Variants in SLC30A3 observed in about 807,000 individuals in gnomAD.
The protein encoded by SLC30A3 is solute carrier family 30 member 3.
A neutral mutation model predicts 35.6 loss-of-function variants in SLC30A3; 20 were observed. That is an observed-to-expected ratio of 0.56 (90% CI 0.39 to 0.82). The LOEUF (loss-of-function observed/expected upper bound fraction) is 0.82. Among genes scored for constraint, SLC30A3 ranks in the 40% least tolerant of loss-of-function variants. The pLI is 0.00. For synonymous variants in SLC30A3, 217 were observed against 224.7 expected, an observed-to-expected ratio of 0.97 and a Z score of 0.31; for missense variants, 401 against 530.6, an observed-to-expected ratio of 0.76 and a Z score of 2.40.
rs767882022 is a variant in SLC30A3, at chr2:27,257,862, C to A, written c.578+43G>T. ...TCTCCCATCCTGGAGGAAGACCCCT[C>A]GCCCTGGGCCCCACAAGGTGCCTGC... On this transcript the variant is annotated intron_variant, in intron 4 of 7. Transcript: ENST00000233535. This position sits in a 1 kb window ranked among gnomAD's most constrained non-coding sequence, Gnocchi z 4.7. 2 of 1,575,130 alleles carry A rather than the reference C, an allele frequency of 1.3e-6. No homozygotes were observed. The highest frequency in any genetic ancestry group is 8.6e-7 in the Non-Finnish European group (1 of 1,156,690).
In SLC30A3 at chr2:27,257,293, T is replaced by G; in HGVS notation, c.638A>C (p.Glu213Ala). ...PPHSHGSRGA[E>A]YAPLEEGPEE... ...AGGCCCCTCCTCCAGCGGTGCATAC[T>G]CTGCTCCCCTAGACCCGTGGCTGTG... The change falls in exon 5 of 8, where the codon GAG becomes GCG. Residue 213 changes from glutamate (E) to alanine (A), a missense_variant. Coordinates refer to ENST00000233535, the MANE Select transcript of SLC30A3 (RefSeq NM_003459.5). This position sits in a 1 kb window ranked among gnomAD's most constrained non-coding sequence, Gnocchi z 4.7. The G allele has an allele frequency of 6.2e-7, 1 of 1,613,900 alleles. No homozygotes were observed. Among genetic ancestry groups the G allele is most frequent in the Non-Finnish European group, 8.5e-7 (1 of 1,179,906 alleles).
rs986050134 is a variant in SLC30A3 at position 27,262,618 on chromosome 2, G to A, written c.95+194C>T. Among the ~76,000 whole-genome samples, 2 of 152,194 alleles carry A rather than the reference G, an allele frequency of 1.3e-5. No individual in the cohort carries two copies. Among genetic ancestry groups the A allele is most frequent in the African/African-American group, 4.8e-5 (2 of 41,460 alleles). On this transcript the variant is annotated intron_variant, in intron 1 of 7. Coordinates refer to ENST00000233535, the MANE Select transcript of SLC30A3 (RefSeq NM_003459.5). This position sits in a 1 kb window ranked among gnomAD's most constrained non-coding sequence, Gnocchi z 7.5. Reference sequence around the variant, plus strand: ...CTTCACCCGAGGAAGTCAGGCGGCCGGGAGGAGGCGTAGCCGGCTGTGTAG... The same window carrying A: ...CTTCACCCGAGGAAGTCAGGCGGCCAGGAGGAGGCGTAGCCGGCTGTGTAG...
In SLC30A3 at chr2:27,257,546, C is replaced by T; in HGVS notation, c.579-194G>A. On this transcript the variant is annotated intron_variant, in intron 4 of 7. Coordinates refer to ENST00000233535, the MANE Select transcript of SLC30A3 (RefSeq NM_003459.5). The surrounding 1 kb of genome is among the most constrained non-coding windows in gnomAD (Gnocchi z 4.7). ...CCACACATGTGGATTCGGAAGCTGG[C>T]CCTGTTACTTAAATAGATATGTGAC... is the stretch of plus-strand genomic sequence containing the variant. 1 of 627,912 alleles carries T rather than the reference C, an allele frequency of 1.6e-6. No homozygotes were observed. Among genetic ancestry groups the T allele is most frequent in the Non-Finnish European group, 2.8e-6 (1 of 356,662 alleles). 38.9% of individuals were successfully genotyped at this position (627,912 alleles called of 1,614,324 possible). A position where few individuals can be genotyped will look rare whatever the true frequency, so the allele number is the denominator to read the frequency against.
Position 27,257,810 on chromosome 2 carries a change from G to T in SLC30A3, c.578+95C>A. On this transcript the variant is annotated intron_variant, in intron 4 of 7. Transcript: ENST00000233535. The surrounding 1 kb of genome is among the most constrained non-coding windows in gnomAD (Gnocchi z 4.7). ...TGGAGAGCTGTGTGTGCGTGTCTGT[G>T]TGTCTGGTGGGGAGGAGAGAGCCAG... 2 of 1,256,072 alleles carry T rather than the reference G, an allele frequency of 1.6e-6. No individual in the cohort carries two copies. The highest frequency in any genetic ancestry group is 1.1e-6 in the Non-Finnish European group (1 of 890,740). 77.8% of individuals were successfully genotyped at this position (1,256,072 alleles called of 1,614,324 possible). A position where few individuals can be genotyped will look rare whatever the true frequency, so the allele number is the denominator to read the frequency against.
In SLC30A3 at chr2:27,262,684, G is replaced by C; in HGVS notation, c.95+128C>G. ...GTGGCCAGAGGGGATGAAGCGGGGT[G>C]CAGCGGAGCGAGGGACCCGCGGTGC... On this transcript the variant is annotated intron_variant, in intron 1 of 7. Transcript: ENST00000233535. The surrounding 1 kb of genome is among the most constrained non-coding windows in gnomAD (Gnocchi z 7.5). 1.1e-6 allele frequency: 1 copy of C among 882,660 alleles called. No homozygotes were observed. The highest frequency in any genetic ancestry group is 1.6e-6 in the Non-Finnish European group (1 of 612,564). 54.7% of individuals were successfully genotyped at this position (882,660 alleles called of 1,614,324 possible).
chr2:27,260,664 C>T (rs185015082), intron 1 of SLC30A3, among the ~76,000 whole-genome samples: 16 of 152,252 alleles, frequency 1.1e-4, no homozygotes, highest in Non-Finnish European at 1.2e-4. Flanking sequence ...CAAAGTGGGG[C>T]GGGATGTCTG....
At chr2:27,268,519 C>T (rs6751640) in intron 1 of SLC30A3, among the ~76,000 whole-genome samples, 77 of 152,144 alleles carry the variant, frequency 5.1e-4, no homozygotes, top group African/African-American at 1.7e-3. Context: ...TTTGGGAGGC[C>T]GAGGTGGGCG....
Position 27,271,788 on chromosome 2 carries a change from C to G in SLC30A3, c.-159+3389G>C, listed in dbSNP as rs1300760887. ...GCCGACTGGGCCGTGCTACTCCCAC[C>G]TCTGCAGCTTCCTGGCTGAAGTGAC... On this transcript the variant is annotated intron_variant, in intron 1 of 5. Transcript: ENST00000424577. This position sits in a 1 kb window ranked among gnomAD's most constrained non-coding sequence, Gnocchi z 4.3. Among the ~76,000 whole-genome samples, 1 of 152,242 alleles carries G rather than the reference C, an allele frequency of 6.6e-6. No homozygotes were observed.
In SLC30A3 at chr2:27,271,245, A is replaced by G. The variant is rs1441740599; in HGVS notation, c.-159+3932T>C. 2.6e-5 allele frequency among the ~76,000 whole-genome samples: 4 copies of G among 152,164 alleles called. No homozygotes were observed. Among genetic ancestry groups the G allele is most frequent in the Admixed American group, 6.5e-5 (1 of 15,268 alleles). The stretch of plus-strand genomic sequence containing the variant: ...TGGTATTTTGGGTATAAATATGCCA[A>G]TGTCTGCTGTCTGTATGTGTGTGTA... On this transcript the variant is annotated intron_variant, in intron 1 of 5. Transcript: ENST00000424577. This position sits in a 1 kb window ranked among gnomAD's most constrained non-coding sequence, Gnocchi z 4.3.
chr2:27,260,479 A>G (rs775994556), intron 1 of SLC30A3, among the ~76,000 whole-genome samples: 2 of 152,190 alleles, frequency 1.3e-5, no homozygotes, highest in Non-Finnish European at 2.9e-5. Context: ...TGCTAAGTCC[A>G]TTCTGGTCCA....
intron 1 of SLC30A3, among the ~76,000 whole-genome samples, chr2:27,269,950 T>C (rs1323938538): frequency 6.6e-6 from 1 of 152,162 alleles, no homozygotes; most frequent in African/African-American, 2.4e-5. Context: ...ACAGCAAATG[T>C]ATCAGAGATG....
At position 27,253,803 on chromosome 2, in the gene SLC30A3, C is replaced by T. The variant is rs1259014900; in HGVS notation, c.*1509G>A. The stretch of plus-strand genomic sequence containing the variant: ...GCCTCAGCCTCCTGAATAGCTGGGA[C>T]TACAGGTATGCACCACCACACCCAG... On this transcript the variant is annotated 3_prime_UTR_variant, in exon 8 of 8. Coordinates refer to ENST00000233535, the MANE Select transcript of SLC30A3 (RefSeq NM_003459.5). 6.6e-6 allele frequency: 1 copy of T among 151,256 alleles called. No homozygotes were observed. The highest frequency in any genetic ancestry group is 1.5e-5 in the Non-Finnish European group (1 of 67,954). The allele number at this position is 151,256 out of a possible 1,614,324, so 9.4% of individuals were successfully genotyped here. A position where few individuals can be genotyped will look rare whatever the true frequency, so the allele number is the denominator to read the frequency against.
At chr2:27,274,733 G>C (rs532639422) in intron 1 of SLC30A3, among the ~76,000 whole-genome samples, 1 of 151,666 alleles carries the variant, frequency 6.6e-6, no homozygotes, top group Non-Finnish European at 1.5e-5. Flanking sequence ...CCACTTCTAA[G>C]AATGTATCCT....
Position 27,255,525 on chromosome 2 carries a change from A to G in SLC30A3, c.1019-65T>C. The G allele has an allele frequency of 3.8e-6, 6 of 1,564,724 alleles. No homozygotes were observed. Among genetic ancestry groups the G allele is most frequent in the Non-Finnish European group, 5.2e-6 (6 of 1,147,984 alleles). On this transcript the variant is annotated intron_variant, in intron 7 of 7. Transcript: ENST00000233535. This position sits in a 1 kb window ranked among gnomAD's most constrained non-coding sequence, Gnocchi z 5.2. ...AGAAAGAACAGGCAGGGACTGAGAT[A>G]AGGACAGGGAAAGGGGCTGCACAGC...
In SLC30A3 at chr2:27,258,175, C is replaced by G; in HGVS notation, c.410G>C (p.Gly137Ala). The change falls in exon 3 of 8, where the codon GGC (glycine) becomes GCC (alanine). Residue 137 changes from glycine to alanine, a missense_variant. Gly to Ala is a moderately conservative substitution (Grantham distance 60). This residue lies in a region of SLC30A3 where 296 missense variants were observed against 392.6 expected (regional missense o/e 0.75). Coordinates refer to ENST00000233535, the MANE Select transcript of SLC30A3 (RefSeq NM_003459.5). The surrounding 1 kb of genome is among the most constrained non-coding windows in gnomAD (Gnocchi z 4.0). Reference sequence around the variant, plus strand: ...AGGGGCCTTACCTGAACGGTGCCAGCCAAAGGTCATGGTGCGGGTGGCTGG... The same window carrying G: ...AGGGGCCTTACCTGAACGGTGCCAGGCAAAGGTCATGGTGCGGGTGGCTGG... Reference protein sequence around the residue: ...TRPATRTMTFGWHRSETLGAL... With the variant: ...TRPATRTMTFAWHRSETLGAL... 1 of 1,595,314 alleles carries G rather than the reference C, an allele frequency of 6.3e-7. No individual in the cohort carries two copies. Among genetic ancestry groups the G allele is most frequent in the Non-Finnish European group, 8.6e-7 (1 of 1,168,608 alleles).
rs1213574872 is a variant in SLC30A3, at chr2:27,254,748, AC to A, written c.*563del. The A allele has an allele frequency of 4.6e-6, 1 of 218,124 alleles. No individual in the cohort carries two copies. Among genetic ancestry groups the A allele is most frequent in the Admixed American group, 5.4e-5 (1 of 18,458 alleles). The allele number at this position is 218,124 out of a possible 1,614,324, so 13.5% of individuals were successfully genotyped here. A position where few individuals can be genotyped will look rare whatever the true frequency, so the allele number is the denominator to read the frequency against. On this transcript the variant is annotated 3_prime_UTR_variant, in exon 8 of 8. Transcript: ENST00000233535. ...ACATAGGCACAGAGACACACAGGCC[AC>A]AGCACCAAGAACACACACACACACA...
At position 27,257,545 on chromosome 2, in the gene SLC30A3, GC is replaced by G. The variant is rs1205943824; in HGVS notation, c.579-194del. On this transcript the variant is annotated intron_variant, in intron 4 of 7. Coordinates refer to ENST00000233535, the MANE Select transcript of SLC30A3 (RefSeq NM_003459.5). This position sits in a 1 kb window ranked among gnomAD's most constrained non-coding sequence, Gnocchi z 4.7. Reference sequence around the variant, plus strand: ...GCCACACATGTGGATTCGGAAGCTGGCCCTGTTACTTAAATAGATATGTGAC... The same window carrying G: ...GCCACACATGTGGATTCGGAAGCTGGCCTGTTACTTAAATAGATATGTGAC... 3 of 629,414 alleles carry G rather than the reference GC, an allele frequency of 4.8e-6. No individual in the cohort carries two copies. Among genetic ancestry groups the G allele is most frequent in the Non-Finnish European group, 8.4e-6 (3 of 357,762 alleles). 39.0% of individuals were successfully genotyped at this position (629,414 alleles called of 1,614,324 possible).
chr2:27,269,290 CAG>C (rs1397070798), intron 1 of SLC30A3, among the ~76,000 whole-genome samples: 14 of 149,424 alleles, frequency 9.4e-5, no homozygotes, highest in African/African-American at 3.5e-4. Context: ...ACTGCAACCT[CAG>C]CCTCCCGGGT....
At chr2:27,263,076 C>G (rs1169888711), upstream of SLC30A3, 2 of 1,350,632 alleles carry the variant, frequency 1.5e-6, no homozygotes, top group African/African-American at 3.1e-5. Flanking sequence ...ACTGCAGATC[C>G]CGCTGCCGCC....
Sources: allele counts gnomAD v4.1 joint callset (sites outside exome capture counted in the v4.1 genomes callset), GRCh38; gene constraint gnomAD v4.1.1; regional missense constraint gnomAD v4.1.1; non-coding constraint Gnocchi (gnomAD v3.1); transcripts MANE v1.5; gene names NCBI Gene and HGNC (gene_info 2026-07-23, HGNC 2026-07-21).